Variants in PCDHA5 observed in about 807,000 individuals in gnomAD.
PCDHA5 encodes protocadherin alpha 5.
Under a neutral mutation model 61.6 loss-of-function variants are expected in PCDHA5, and 43 were observed. The ratio of observed to expected loss-of-function variants is 0.70; its 90% CI spans 0.55 to 0.90. The LOEUF (loss-of-function observed/expected upper bound fraction) is 0.90. Ranked by LOEUF, PCDHA5 falls within the 40% of genes least tolerant of loss-of-function variation. The pLI, the probability that PCDHA5 is intolerant of heterozygous loss-of-function variation, is 0.00. For missense variants in PCDHA5, 1,298 were observed against 1,222.7 expected, an observed-to-expected ratio of 1.06 and a Z score of -0.92; for synonymous variants, 627 against 543.9, an observed-to-expected ratio of 1.15 and a Z score of -2.13.
intron 1 of PCDHA5, chr5:140,843,513 G>A (rs1554140161): frequency 6.3e-7 from 1 of 1,595,848 alleles, no homozygotes; most frequent in East Asian, 2.2e-5. Context: ...ACTGAGGGCG[G>A]GTGCCGGGCG....
At chr5:140,914,923 T>C (rs2076880546) in intron 1 of PCDHA5, among the ~76,000 whole-genome samples, 1 of 151,134 alleles carries the variant, frequency 6.6e-6, no homozygotes, top group Admixed American at 6.6e-5. Context: ...TGTCTTATTG[T>C]ACTATGTTGT....
At position 140,870,930 on chromosome 5, in the gene PCDHA5, A is replaced by G. The variant is rs373236202; in HGVS notation, c.2352+46803A>G. ...GCTACAACGCGTGGCTTTCATATGA[A>G]TTGCAGCCGGCGGCGGGCGGCTCGC... On this transcript the variant is annotated intron_variant, in intron 1 of 3. Coordinates refer to ENST00000529859, the MANE Select transcript of PCDHA5 (RefSeq NM_018908.3). 1.9e-6 allele frequency: 3 copies of G among 1,613,850 alleles called. No homozygotes were observed. The East Asian group carries it at 6.7e-5, about 36-fold the overall frequency.
At chr5:140,884,035 C>A (rs782637499) in intron 1 of PCDHA5, 1 of 1,613,396 alleles carries the variant, frequency 6.2e-7, no homozygotes, top group South Asian at 1.1e-5. Context: ...GTGCAGGCCA[C>A]GTGGTGGCGA....
At chr5:140,978,301 C>T (rs1554239160) in intron 1 of PCDHA5, among the ~76,000 whole-genome samples, 1 of 152,168 alleles carries the variant, frequency 6.6e-6, no homozygotes, top group Admixed American at 6.5e-5. Flanking sequence ...GGAAAGCACT[C>T]AGGAAGGAGC....
chr5:140,986,950 A>G (rs1161887732), intron 3 of PCDHA5, among the ~76,000 whole-genome samples: 1 of 152,282 alleles, frequency 6.6e-6, no homozygotes, highest in East Asian at 1.9e-4. Context: ...GTGGTCGCTC[A>G]TGCCTGTAAT....
At chr5:140,953,545 C>A (rs551898012) in intron 1 of PCDHA5, among the ~76,000 whole-genome samples, 1 of 152,204 alleles carries the variant, frequency 6.6e-6, no homozygotes, top group Admixed American at 6.5e-5. Context: ...CATGCTGATT[C>A]TTTTCTCCAA....
intron 1 of PCDHA5, chr5:140,842,749 G>T (rs2150343608): frequency 5.6e-6 from 9 of 1,594,902 alleles, no homozygotes; most frequent in African/African-American, 5.4e-5. Flanking sequence ...ACATCTTCAC[G>T]GTGTCTGCGC....
chr5:140,893,040 C>A (rs1554185508), intron 1 of PCDHA5, among the ~76,000 whole-genome samples: 1 of 152,226 alleles, frequency 6.6e-6, no homozygotes, highest in African/African-American at 2.4e-5. Flanking sequence ...AACATATGCC[C>A]TCCAGGCTCA....
chr5:140,876,269 C>T, intron 1 of PCDHA5: 2 of 1,614,036 alleles, frequency 1.2e-6, no homozygotes, highest in Non-Finnish European at 1.7e-6. Flanking sequence ...CAACTAAATG[C>T]TTCCGATCCA....
chr5:140,843,295 G>A lies in PCDHA5; in HGVS notation c.2352+19168G>A, dbSNP rs2150356733. On this transcript the variant is annotated intron_variant, in intron 1 of 3. Transcript: ENST00000529859. ...TGGTGAAGGATCATGGTGAACCTGC[G>A]CTGACCGCCACGGCCACGGTTCTGG... is the stretch of plus-strand genomic sequence containing the variant. 8.4e-5 allele frequency: 134 copies of A among 1,595,834 alleles called. 14 individuals are homozygous for A. In the Admixed American group the frequency reaches 2.2e-3, roughly 27 times the overall value.
intron 1 of PCDHA5, chr5:140,875,267 C>A: frequency 1.7e-6 from 2 of 1,211,108 alleles, no homozygotes; most frequent in Non-Finnish European, 2.2e-6. Context: ...TGTCGCTCTA[C>A]ACTCAGAAGG....
chr5:140,900,143 G>C (rs1198470231), intron 1 of PCDHA5, among the ~76,000 whole-genome samples: 2 of 152,156 alleles, frequency 1.3e-5, no homozygotes, highest in African/African-American at 2.4e-5. Flanking sequence ...AAATAAGTAA[G>C]AACATACGAT....
At chr5:140,835,825 A>G (rs2150245985) in intron 1 of PCDHA5, 3 of 1,612,220 alleles carry the variant, frequency 1.9e-6, no homozygotes, top group African/African-American at 1.3e-5. Context: ...TCGGCGGGGG[A>G]CGCGGACGCG....
intron 3 of PCDHA5, among the ~76,000 whole-genome samples, chr5:140,996,144 T>C (rs2097714056): frequency 6.6e-6 from 1 of 152,210 alleles, no homozygotes; most frequent in African/African-American, 2.4e-5. Context: ...TCCCATTATC[T>C]TGCCTTCCTT....
intron 1 of PCDHA5, among the ~76,000 whole-genome samples, chr5:140,951,684 A>G (rs1392497741): frequency 3.3e-5 from 5 of 152,144 alleles, no homozygotes; most frequent in African/African-American, 1.2e-4. Flanking sequence ...GGGGATTACA[A>G]TGTGACATGA....
In PCDHA5 at chr5:140,917,150, G is replaced by A. The variant is rs535773024; in HGVS notation, c.2353-61799G>A. Among the ~76,000 whole-genome samples the A allele has an allele frequency of 2.0e-5, 3 of 152,324 alleles. No individual in the cohort carries two copies. In the South Asian group the frequency reaches 6.2e-4, roughly 32 times the overall value. On this transcript the variant is annotated intron_variant, in intron 1 of 3. Transcript: ENST00000529859. ...CCCCACGTTGCTCAGCTGCTGCTGG[G>A]GGATATGGGAGGGGTGATGGTGGTG...
rs1768129627 is a variant in PCDHA5, at chr5:140,824,465, T to C, written c.2352+338T>C. 3 of 423,268 alleles carry C rather than the reference T, an allele frequency of 7.1e-6. No homozygotes were observed. In the South Asian group the frequency reaches 1.0e-4, roughly 14 times the overall value. The allele number at this position is 423,268 out of a possible 1,614,324, so 26.2% of individuals were successfully genotyped here. A position where few individuals can be genotyped will look rare whatever the true frequency, so the allele number is the denominator to read the frequency against. ...TATGACTACATGAAAATTTATTTTA[T>C]TTTATTGTTATTTTTTAGAGACCCT... On this transcript the variant is annotated intron_variant, in intron 1 of 3. Transcript: ENST00000529859.
In PCDHA5 at chr5:140,934,078, G is replaced by A. The variant is rs13188437; in HGVS notation, c.2353-44871G>A. On this transcript the variant is annotated intron_variant, in intron 1 of 3. Transcript: ENST00000529859. ...GGCTAACTTTTGGTGTTTTGGGTTC[G>A]CTTTGTTGTATGTTTGCTTTCTATT... is the stretch of plus-strand genomic sequence containing the variant. 1.4e-3 allele frequency among the ~76,000 whole-genome samples: 217 copies of A among 151,620 alleles called. 1 individual carries two copies. Among genetic ancestry groups the A allele is most frequent in the African/African-American group, 4.8e-3 (200 of 41,380 alleles).
chr5:140,843,106 C>G lies in PCDHA5; in HGVS notation c.2352+18979C>G, dbSNP rs1265467066. The G allele has an allele frequency of 1.2e-5, 19 of 1,595,592 alleles. 3 individuals are homozygous for G. The highest frequency in any genetic ancestry group is 1.6e-5 in the Non-Finnish European group (19 of 1,165,474). ...CGGGCCACGTGGTAGCGAAGGTGCG[C>G]GCAGTGGACGCCGACTCGGGCTACA... is the stretch of plus-strand genomic sequence containing the variant. On this transcript the variant is annotated intron_variant, in intron 1 of 3. Transcript: ENST00000529859.
Sources: gnomAD v4.1 joint callset for allele counts (sites outside exome capture counted in the v4.1 genomes callset) on GRCh38, gnomAD v4.1.1 for gene constraint, MANE v1.5 for transcripts, NCBI Gene and HGNC (gene_info 2026-07-23, HGNC 2026-07-21) for gene names.